DTL: variants seen among roughly 807,000 people sequenced by gnomAD.
DTL encodes denticleless E3 ubiquitin protein ligase adapter.
DTL carries 46 observed loss-of-function variants against 87.0 expected under a neutral mutation model. The observed-to-expected ratio is 0.53, with a 90% CI of 0.42 to 0.68. DTL has a LOEUF of 0.68. DTL is among the 30% of genes least tolerant of loss of function. The pLI, the probability that DTL is intolerant of heterozygous loss-of-function variation, is 0.00. For synonymous variants in DTL, 308 were observed against 311.2 expected (o/e 0.99, Z 0.11); for missense variants, 737 against 869.4 (o/e 0.85, Z 1.91).
At chr1:212,053,747 A>T (rs3010016) in intron 5 of DTL, among the ~76,000 whole-genome samples, 2 of 151,766 alleles carry the variant, frequency 1.3e-5, no homozygotes, top group African/African-American at 4.8e-5. Flanking sequence ...CACCACACCC[A>T]GCTAATTTTT....
intron 5 of DTL, among the ~76,000 whole-genome samples, chr1:212,062,578 T>C (rs1410526817): frequency 6.6e-6 from 1 of 152,222 alleles, no homozygotes; most frequent in Non-Finnish European, 1.5e-5. Context: ...ACATTTAGAA[T>C]AAGAAGCACT....
Position 212,047,681 on chromosome 1 carries a change from G to T in DTL, c.460+264G>T, listed in dbSNP as rs766667377. On this transcript the variant is annotated intron_variant, in intron 5 of 14. Coordinates refer to ENST00000366991, the MANE Select transcript of DTL (RefSeq NM_016448.4). ...CTCCGGAGTAGCTGGGACTACAGGC[G>T]CACATCACCATGCCCAGCTAATTTT... Among the ~76,000 whole-genome samples, 3 of 152,084 alleles carry T rather than the reference G, an allele frequency of 2.0e-5. No individual in the cohort carries two copies. The South Asian group carries it at 6.2e-4, about 32-fold the overall frequency.
intron 10 of DTL, 93 bp downstream of exon 10, chr1:212,068,796 C>T: frequency 1.3e-6 from 1 of 744,132 alleles, no homozygotes. Flanking sequence ...CTAAACTGAA[C>T]TTATTAAGCC....
chr1:212,087,460 G>T (rs1253759408), intron 13 of DTL, among the ~76,000 whole-genome samples: 2 of 152,040 alleles, frequency 1.3e-5, no homozygotes, highest in Non-Finnish European at 2.9e-5. Flanking sequence ...TGAGGCAGGA[G>T]AATGGCGTGA....
rs552994717 is a variant in DTL, at chr1:212,048,994, C to T, written c.460+1577C>T. ...CTGGAATGCAGTGGCGTGATCTTGGCTCACTGCAACCTCCACCTCCCAGGT... is the reference window on the plus strand; with the variant it reads ...CTGGAATGCAGTGGCGTGATCTTGGTTCACTGCAACCTCCACCTCCCAGGT... On this transcript the variant is annotated intron_variant, in intron 5 of 14. Transcript: ENST00000366991. Among the ~76,000 whole-genome samples the T allele has an allele frequency of 1.2e-3, 180 of 152,304 alleles. 2 individuals carry two copies. The highest frequency in any genetic ancestry group is 4.1e-3 in the African/African-American group (170 of 41,564).
At chr1:212,048,725 C>T (rs1667876174) in intron 5 of DTL, among the ~76,000 whole-genome samples, 2 of 151,086 alleles carry the variant, frequency 1.3e-5, no homozygotes, top group Non-Finnish European at 2.9e-5. Context: ...AATGGACCAA[C>T]AAACATTTCT....
chr1:212,077,268 A>G (rs764773889), intron 11 of DTL, among the ~76,000 whole-genome samples: 2 of 152,178 alleles, frequency 1.3e-5, no homozygotes, highest in African/African-American at 2.4e-5. Flanking sequence ...CCCATGGCCT[A>G]TGAAAGAGAT....
rs1391796637 is a variant in DTL, at chr1:212,102,890, A to G, written c.2143A>G (p.Arg715Gly). The G allele has an allele frequency of 1.2e-6, 2 of 1,613,078 alleles. No individual in the cohort carries two copies. The highest frequency in any genetic ancestry group is 8.5e-7 in the Non-Finnish European group (1 of 1,179,214). Residue 715 changes from arginine (R) to glycine (G), a missense_variant, in exon 15 of 15, where the codon AGA (arginine) becomes GGA (glycine). Coordinates refer to ENST00000366991, the MANE Select transcript of DTL (RefSeq NM_016448.4). The stretch of plus-strand genomic sequence containing the variant: ...GAGGAAAATCTGCACATACTTCCAT[A>G]GAAAGTCCCAGGAGGACTTCTGTGG... The part of the protein sequence containing the change: ...SMRKICTYFH[R>G]KSQEDFCGPE...
intron 6 of DTL, among the ~76,000 whole-genome samples, chr1:212,063,895 G>GTT (rs36083602): frequency 1.9e-3 from 258 of 138,694 alleles, no homozygotes; most frequent in East Asian, 9.2e-3. Context: ...TTTGTTTCTT[G>GTT]TTTTTTTTTT....
chr1:212,055,528 A>AATTCCCT (rs1668146972), intron 5 of DTL, among the ~76,000 whole-genome samples: 3 of 152,084 alleles, frequency 2.0e-5, no homozygotes, highest in African/African-American at 7.2e-5. Context: ...CCCTGAGTGG[A>AATTCCCT]GGGGCAGCTG....
chr1:212,099,588 A>G (rs1655552464), intron 13 of DTL: 1 of 152,438 alleles, frequency 6.6e-6, no homozygotes, highest in Non-Finnish European at 1.5e-5. Flanking sequence ...GCAGGGGAGC[A>G]CATTTACTCG....
In DTL at chr1:212,100,315, A is replaced by T; in HGVS notation, c.1325A>T (p.Asn442Ile). 6.2e-7 allele frequency: 1 copy of T among 1,611,590 alleles called. No homozygotes were observed. Among genetic ancestry groups the T allele is most frequent in the Non-Finnish European group, 8.5e-7 (1 of 1,178,912 alleles). The change falls in exon 14 of 15, where the codon AAT becomes ATT. Residue 442 changes from asparagine to isoleucine, a missense_variant. Coordinates refer to ENST00000366991, the MANE Select transcript of DTL (RefSeq NM_016448.4). ...KAPRAKCNPS[N>I]SSPSSAACAP... Reference sequence around the variant, plus strand: ...CCCAGGGCAAAGTGCAATCCATCCAATTCTTCCCCGTCATCCGCAGCTTGT... The same window carrying T: ...CCCAGGGCAAAGTGCAATCCATCCATTTCTTCCCCGTCATCCGCAGCTTGT...
At position 212,101,070 on chromosome 1, in the gene DTL, A is replaced by T. The variant is rs748419496; in HGVS notation, c.2080A>T (p.Lys694Ter). 1 of 1,607,894 alleles carries T rather than the reference A, an allele frequency of 6.2e-7. No homozygotes were observed. The highest frequency in any genetic ancestry group is 1.1e-5 in the South Asian group (1 of 89,782). Residue 694 changes from lysine to a stop codon, truncating the protein, a stop_gained, in exon 14 of 15, where the codon AAA becomes TAA. Transcript: ENST00000366991. LOFTEE classifies it high-confidence loss of function. ...TPNSRRQSGK[K>*]LPSPVTITPS... ...CAATTCCAGGAGACAGAGCGGAAAGAAATTGCCAAGCCCGGTAAGTCAGCA... is the reference window on the plus strand; with the variant it reads ...CAATTCCAGGAGACAGAGCGGAAAGTAATTGCCAAGCCCGGTAAGTCAGCA...
In DTL at chr1:212,100,677, G is replaced by A. The variant is rs1441698459; in HGVS notation, c.1687G>A (p.Val563Met). The A allele has an allele frequency of 6.2e-7, 1 of 1,614,142 alleles. No individual in the cohort carries two copies. The highest frequency in any genetic ancestry group is 2.2e-5 in the East Asian group (1 of 44,880). ...GCTAGACTCAAGCTGTCTGGAGAGT[G>A]TGAAACAAAAGTGTGTGAAGAGTTG... ...RRLDSSCLESVKQKCVKSCNC... is the reference protein window; with the variant it reads ...RRLDSSCLESMKQKCVKSCNC... Residue 563 changes from valine to methionine, a missense_variant, in exon 14 of 15, where the codon GTG (valine) becomes ATG (methionine). Coordinates refer to ENST00000366991, the MANE Select transcript of DTL (RefSeq NM_016448.4).
chr1:212,087,945 C>T (rs4951565), intron 13 of DTL, among the ~76,000 whole-genome samples: 147,024 of 152,106 alleles, frequency 0.97, 71,063 homozygotes, highest in East Asian at 1. Context: ...CCTGCCCTAC[C>T]TTTCCCAGCC....
intron 13 of DTL, among the ~76,000 whole-genome samples, chr1:212,085,448 T>TG (rs1475415861): frequency 6.6e-6 from 1 of 152,250 alleles, no homozygotes; most frequent in East Asian, 1.9e-4. Context: ...ATATTTTCCT[T>TG]GGTGAAATGT....
chr1:212,043,747 T>G (rs1667725731), intron 2 of DTL, among the ~76,000 whole-genome samples: 1 of 151,632 alleles, frequency 6.6e-6, no homozygotes, highest in African/African-American at 2.4e-5. Context: ...AGAGACTCAC[T>G]TGAACCTGAG....
chr1:212,091,410 A>G (rs1027794528), intron 13 of DTL, among the ~76,000 whole-genome samples: 4 of 152,242 alleles, frequency 2.6e-5, no homozygotes, highest in Non-Finnish European at 5.9e-5. Context: ...AAAAAATTGA[A>G]AATAGAACTA....
At chr1:212,083,747 T>G (rs1206486380) in intron 13 of DTL, among the ~76,000 whole-genome samples, 1 of 152,152 alleles carries the variant, frequency 6.6e-6, no homozygotes, top group African/African-American at 2.4e-5. Flanking sequence ...GCAAAAATCT[T>G]CAAGCAATGA....
Sources: gnomAD v4.1 joint callset for allele counts (sites outside exome capture counted in the v4.1 genomes callset) on GRCh38, gnomAD v4.1.1 for gene constraint, MANE v1.5 for transcripts, NCBI Gene and HGNC (gene_info 2026-07-23, HGNC 2026-07-21) for gene names.